KIAA0825: variants seen among roughly 807,000 people sequenced by gnomAD.
KIAA0825 encodes uncharacterized protein KIAA0825.
KIAA0825 carries 119 observed loss-of-function variants against 147.6 expected under a neutral mutation model. The ratio of observed to expected loss-of-function variants is 0.81; its 90% CI spans 0.69 to 0.94. The LOEUF is 0.94. KIAA0825 is among the 40% of genes least tolerant of loss of function. KIAA0825 has a pLI of 0.00. For missense variants in KIAA0825, 1,381 were observed against 1,472.7 expected (o/e 0.94, Z 1.02); for synonymous variants, 470 against 518.1 (o/e 0.91, Z 1.26).
At position 94,417,910 on chromosome 5, in the gene KIAA0825, A is replaced by G. The variant is rs147910905; in HGVS notation, c.2498-545T>C. Reference sequence around the variant, plus strand: ...GAAGAGTTTTATCAATTGGTTCCTCAATAAAACTATATAAAGAATTCAACA... The same window carrying G: ...GAAGAGTTTTATCAATTGGTTCCTCGATAAAACTATATAAAGAATTCAACA... On this transcript the variant is annotated intron_variant, in intron 14 of 20. Transcript: ENST00000682413. 7.2e-5 allele frequency among the ~76,000 whole-genome samples: 11 copies of G among 152,264 alleles called. No homozygotes were observed. In the East Asian group the frequency reaches 2.1e-3, roughly 29 times the overall value.
At chr5:94,316,395 A>T (rs1268945488) in intron 20 of KIAA0825, among the ~76,000 whole-genome samples, 3 of 151,708 alleles carry the variant, frequency 2.0e-5, no homozygotes, top group Non-Finnish European at 2.9e-5. Flanking sequence ...ACCAAAAAAA[A>T]AAACCTTATA....
intron 10 of KIAA0825, among the ~76,000 whole-genome samples, chr5:94,465,363 G>C (rs1380628671): frequency 6.6e-6 from 1 of 152,176 alleles, no homozygotes; most frequent in Admixed American, 6.5e-5. Context: ...CTTTGTAGTT[G>C]CTGAAAAAGC....
intron 12 of KIAA0825, among the ~76,000 whole-genome samples, chr5:94,456,655 G>A (rs1246192195): frequency 6.6e-6 from 1 of 152,114 alleles, no homozygotes; most frequent in Non-Finnish European, 1.5e-5. Flanking sequence ...TGTAAAATGG[G>A]AATTAAAATA....
At chr5:94,291,996 T>C (rs948082758) in intron 20 of KIAA0825, among the ~76,000 whole-genome samples, 1 of 152,222 alleles carries the variant, frequency 6.6e-6, no homozygotes, top group Non-Finnish European at 1.5e-5. Flanking sequence ...GCTTATCAGC[T>C]TAAGGAGATT....
Position 94,564,976 on chromosome 5 carries a change from C to T in KIAA0825, c.-2+17457G>A, listed in dbSNP as rs114343814. 2.4e-3 allele frequency among the ~76,000 whole-genome samples: 211 copies of T among 86,298 alleles called. 1 individual carries two copies. The highest frequency in any genetic ancestry group is 0.015 in the East Asian group (50 of 3,376). 56.6% of individuals were successfully genotyped at this position (86,298 alleles called of 152,430 possible). A position where few individuals can be genotyped will look rare whatever the true frequency, so the allele number is the denominator to read the frequency against. Reference sequence around the variant, plus strand: ...TCTTTTCTTTTCTTTTCTTTTTCTTCTCTTCTCTTCTCTTCTCCTCTCTCT... The same window carrying T: ...TCTTTTCTTTTCTTTTCTTTTTCTTTTCTTCTCTTCTCTTCTCCTCTCTCT... On this transcript the variant is annotated intron_variant, in intron 2 of 20. Transcript: ENST00000682413.
chr5:94,249,370 A>T (rs978470602), intron 20 of KIAA0825, among the ~76,000 whole-genome samples: 2 of 152,084 alleles, frequency 1.3e-5, no homozygotes, highest in African/African-American at 4.8e-5. Context: ...GCTGCCTGCT[A>T]CAATCCCCTT....
intron 1 of KIAA0825, chr5:94,618,221 G>A (rs1328453707): frequency 6.6e-6 from 1 of 152,276 alleles, no homozygotes; most frequent in East Asian, 1.9e-4. Context: ...GCACAACGCC[G>A]AGTCACGGTA....
chr5:94,249,414 T>C (rs1775821097), intron 20 of KIAA0825, among the ~76,000 whole-genome samples: 1 of 152,108 alleles, frequency 6.6e-6, no homozygotes, highest in African/African-American at 2.4e-5. Context: ...ATTAGCCTTC[T>C]TTTCTGGACT....
intron 13 of KIAA0825, among the ~76,000 whole-genome samples, chr5:94,446,699 G>T (rs570551566): frequency 3.3e-5 from 5 of 152,196 alleles, no homozygotes; most frequent in Non-Finnish European, 7.3e-5. Flanking sequence ...GCCTATGCTA[G>T]TTTTTTGTAC....
chr5:94,303,982 T>C (rs923482806), intron 20 of KIAA0825, among the ~76,000 whole-genome samples: 5 of 152,130 alleles, frequency 3.3e-5, no homozygotes, highest in Non-Finnish European at 2.9e-5. Context: ...CATTAAATAC[T>C]GCATTCAATA....
chr5:94,585,103 C>T (rs1177155595), intron 1 of KIAA0825, among the ~76,000 whole-genome samples: 1 of 152,202 alleles, frequency 6.6e-6, no homozygotes, highest in African/African-American at 2.4e-5. Context: ...ATTATAAAGA[C>T]TATCAATGCT....
At chr5:94,485,174 TTATAAA>T (rs1251201682) in intron 5 of KIAA0825, among the ~76,000 whole-genome samples, 1 of 151,780 alleles carries the variant, frequency 6.6e-6, no homozygotes, top group Non-Finnish European at 1.5e-5. Context: ...ATTCTCAGAG[TTATAAA>T]TAGAAATTTG....
intron 19 of KIAA0825, among the ~76,000 whole-genome samples, chr5:94,385,324 A>G (rs1222952367): frequency 1.3e-5 from 2 of 152,208 alleles, no homozygotes; most frequent in Non-Finnish European, 2.9e-5. Context: ...GAGCACTACA[A>G]TCCTGTCATA....
At chr5:94,417,567 TG>T (rs1753629487) in intron 14 of KIAA0825, among the ~76,000 whole-genome samples, 1 of 152,052 alleles carries the variant, frequency 6.6e-6, no homozygotes, top group Non-Finnish European at 1.5e-5. Context: ...TGGATATTTA[TG>T]GAAAAAAACA....
intron 20 of KIAA0825, among the ~76,000 whole-genome samples, chr5:94,270,010 A>G (rs181567788): frequency 4.6e-5 from 7 of 152,258 alleles, no homozygotes; most frequent in Non-Finnish European, 8.8e-5. Flanking sequence ...AGAGGTCACT[A>G]TGAGCAACTA....
chr5:94,583,033 C>G (rs967574385), intron 1 of KIAA0825, among the ~76,000 whole-genome samples: 1 of 152,150 alleles, frequency 6.6e-6, no homozygotes, highest in Non-Finnish European at 1.5e-5. Context: ...CTGTTAAAAA[C>G]AGATTGCTGG....
rs542189584 is a variant in KIAA0825, at chr5:94,339,134, C to T, written c.3710+45234G>A. Among the ~76,000 whole-genome samples the T allele has an allele frequency of 1.5e-3, 234 of 152,130 alleles. 2 individuals carry two copies. Among genetic ancestry groups the T allele is most frequent in the Non-Finnish European group, 2.5e-3 (170 of 67,974 alleles). On this transcript the variant is annotated intron_variant, in intron 20 of 20. Transcript: ENST00000682413. ...ATACCGCTCTGCAAAATAAGCTGTT[C>T]GTAGATGTAGACAGGTACCATTTTC...
At chr5:94,252,877 C>T (rs913326781) in intron 20 of KIAA0825, among the ~76,000 whole-genome samples, 1 of 152,018 alleles carries the variant, frequency 6.6e-6, no homozygotes, top group Non-Finnish European at 1.5e-5. Context: ...ACTGATTCAC[C>T]TGAATAATTA....
At chr5:94,609,087 A>G (rs947907609) in intron 1 of KIAA0825, among the ~76,000 whole-genome samples, 1 of 152,230 alleles carries the variant, frequency 6.6e-6, no homozygotes, top group African/African-American at 2.4e-5. Context: ...CTAAATTTTA[A>G]TAAAATTCCA....
Sources: allele counts gnomAD v4.1 joint callset (sites outside exome capture counted in the v4.1 genomes callset), GRCh38; gene constraint gnomAD v4.1.1; transcripts MANE v1.5; gene names NCBI Gene and HGNC (gene_info 2026-07-23, HGNC 2026-07-21).